CHST5: variants seen among roughly 807,000 people sequenced by gnomAD.
The protein encoded by CHST5 is GST4-alpha.
For synonymous variants in CHST5, 313 were observed against 279.2 expected, an observed-to-expected ratio of 1.12 and a Z score of -1.21; for missense variants, 637 against 602.1, an observed-to-expected ratio of 1.06 and a Z score of -0.61.
chr16:75,530,501 G>C lies in CHST5; in HGVS notation c.-117C>G, dbSNP rs573274088. 1.4e-6 allele frequency: 2 copies of C among 1,449,244 alleles called. No homozygotes were observed. Among genetic ancestry groups the C allele is most frequent in the Admixed American group, 2.9e-5 (1 of 34,916 alleles). 89.8% of individuals were successfully genotyped at this position (1,449,244 alleles called of 1,614,324 possible). A position where few individuals can be genotyped will look rare whatever the true frequency, so the allele number is the denominator to read the frequency against. On this transcript the variant is annotated 5_prime_UTR_variant, in exon 4 of 4. Transcript: ENST00000336257. ...CAGTCGAGCACTTTCCCAGGAATAC[G>C]GAGTCAAGACATAGGCCAGAATATA...
In CHST5 at chr16:75,529,174, T is replaced by G; in HGVS notation, c.1211A>C (p.His404Pro). Reference protein sequence around the residue: ...LDLVLPRGPDHFSWASPD With the variant: ...LDLVLPRGPDPFSWASPD ...TCAGTCAGGCGATGCCCAGCTGAAG[T>G]GGTCTGGGCCTCGTGGCAGCACCAG... is the stretch of plus-strand genomic sequence containing the variant. Residue 404 changes from histidine (H) to proline (P), a missense_variant, in exon 4 of 4, where the codon CAC (histidine) becomes CCC (proline). By Grantham distance (77) the His-to-Pro change is moderately conservative. Coordinates refer to ENST00000336257, the MANE Select transcript of CHST5 (RefSeq NM_024533.5). 1 of 1,592,200 alleles carries G rather than the reference T, an allele frequency of 6.3e-7. No homozygotes were observed. The highest frequency in any genetic ancestry group is 8.6e-7 in the Non-Finnish European group (1 of 1,166,706).
chr16:75,534,479 A>T (rs765233929), intron 2 of CHST5, among the ~76,000 whole-genome samples: 10 of 152,204 alleles, frequency 6.6e-5, no homozygotes, highest in Non-Finnish European at 1.0e-4. Context: ...CACCGTCTCT[A>T]GTAAAAATAC....
rs1057235991 is a variant in CHST5 at position 75,530,592 on chromosome 16, C to T, written c.-208G>A. ...GGATATCATCAAACTGTCTACCTAC[C>T]CACCCACCCACCTACTTACATACCT... is the stretch of plus-strand genomic sequence containing the variant. On this transcript the variant is annotated 5_prime_UTR_variant, in exon 4 of 4. Coordinates refer to ENST00000336257, the MANE Select transcript of CHST5 (RefSeq NM_024533.5). 1.4e-6 allele frequency: 2 copies of T among 1,418,708 alleles called. No individual in the cohort carries two copies. Among genetic ancestry groups the T allele is most frequent in the African/African-American group, 1.4e-5 (1 of 69,256 alleles). 87.9% of individuals were successfully genotyped at this position (1,418,708 alleles called of 1,614,324 possible). A position where few individuals can be genotyped will look rare whatever the true frequency, so the allele number is the denominator to read the frequency against.
Position 75,529,314 on chromosome 16 carries a change from G to A in CHST5, c.1071C>T (p.His357=), listed in dbSNP as rs757690176. ...GCAGGATCTTAGTGAAGGGCAACGC[G>A]TGGCGCCAGGCCTGGGAGACGTTGC... is the stretch of plus-strand genomic sequence containing the variant. The part of the protein sequence containing the change: ...NARNVSQAWR[H]ALPFTKILRV... Residue 357 remains histidine (H), a synonymous_variant, in exon 4 of 4, where the codon CAC becomes CAT. Coordinates refer to ENST00000336257, the MANE Select transcript of CHST5 (RefSeq NM_024533.5). 3.7e-6 allele frequency: 6 copies of A among 1,613,074 alleles called. No homozygotes were observed. In the East Asian group the frequency reaches 6.7e-5, roughly 18 times the overall value.
At chr16:75,532,052 G>C (rs995039278) in intron 3 of CHST5, among the ~76,000 whole-genome samples, 1 of 152,198 alleles carries the variant, frequency 6.6e-6, no homozygotes, top group Non-Finnish European at 1.5e-5. Flanking sequence ...TGTTGTGATG[G>C]ATGCTGCTGC....
rs2080511833 is a variant in CHST5 at position 75,530,711 on chromosome 16, G to T, written c.-327C>A. 9.0e-7 allele frequency: 1 copy of T among 1,114,080 alleles called. No homozygotes were observed. Among genetic ancestry groups the T allele is most frequent in the Non-Finnish European group, 1.1e-6 (1 of 902,238 alleles). 69.0% of individuals were successfully genotyped at this position (1,114,080 alleles called of 1,614,324 possible). The stretch of plus-strand genomic sequence containing the variant: ...CCTCTTAGAGAGACCCTTTTAGGTT[G>T]TGGAGCTAAAAGGGCTTGATGGGGG... On this transcript the variant is annotated 5_prime_UTR_variant, in exon 4 of 4. Transcript: ENST00000336257.
intron 2 of CHST5, among the ~76,000 whole-genome samples, chr16:75,533,480 C>T (rs2080539794): frequency 6.6e-6 from 1 of 152,190 alleles, no homozygotes; most frequent in Non-Finnish European, 1.5e-5. Flanking sequence ...CCAGTGAACT[C>T]TTCCATCCTG....
rs1341204211 is a variant in CHST5, at chr16:75,529,378, T to C, written c.1007A>G (p.Lys336Arg). The C allele has an allele frequency of 1.9e-6, 3 of 1,613,018 alleles. No homozygotes were observed. The highest frequency in any genetic ancestry group is 1.7e-5 in the Admixed American group (1 of 60,010). ...CGAAGTATGGAAGGCCTCGATTGGC[T>C]TGCCGATCCCCGACCCGTGGGTGAT... is the stretch of plus-strand genomic sequence containing the variant. The part of the protein sequence containing the change: ...HNITHGSGIG[K>R]PIEAFHTSSR... Residue 336 changes from lysine to arginine, a missense_variant, in exon 4 of 4, where the codon AAG becomes AGG. Lys to Arg is a conservative substitution (Grantham distance 26, BLOSUM62 2). Transcript: ENST00000336257.
Position 75,531,524 on chromosome 16 carries a change from G to A in CHST5, c.-1140C>T. The A allele has an allele frequency of 1.5e-6, 2 of 1,301,386 alleles. No homozygotes were observed. Among genetic ancestry groups the A allele is most frequent in the Non-Finnish European group, 2.0e-6 (2 of 987,904 alleles). The allele number at this position is 1,301,386 out of a possible 1,614,324, so 80.6% of individuals were successfully genotyped here. On this transcript the variant is annotated 5_prime_UTR_variant, in exon 4 of 4. Coordinates refer to ENST00000336257, the MANE Select transcript of CHST5 (RefSeq NM_024533.5). ...GATGGGGAGCTGGGATGGAGCCCAA[G>A]AAGCAGAGAGGTGAGAGCAGAGTAC... is the stretch of plus-strand genomic sequence containing the variant.
Position 75,531,030 on chromosome 16 carries a change from A to G in CHST5, c.-646T>C. On this transcript the variant is annotated 5_prime_UTR_variant, in exon 4 of 4. Transcript: ENST00000336257. ...ATAATTTTTTTAACAGGCAGGTATA[A>G]AACTTTTGTCAGCCAGGCGCGGTGG... 3 of 1,001,312 alleles carry G rather than the reference A, an allele frequency of 3.0e-6. No individual in the cohort carries two copies. The highest frequency in any genetic ancestry group is 3.6e-6 in the Non-Finnish European group (3 of 830,906). The allele number at this position is 1,001,312 out of a possible 1,614,324, so 62.0% of individuals were successfully genotyped here. A position where few individuals can be genotyped will look rare whatever the true frequency, so the allele number is the denominator to read the frequency against.
chr16:75,529,761 C>T lies in CHST5; in HGVS notation c.624G>A (p.Pro208=), dbSNP rs749804885. The T allele has an allele frequency of 1.1e-5, 18 of 1,613,552 alleles. No homozygotes were observed. Among genetic ancestry groups the T allele is most frequent in the South Asian group, 2.2e-5 (2 of 91,080 alleles). The change falls in exon 4 of 4, where the codon CCG becomes CCA. Residue 208 remains proline, a synonymous_variant. Coordinates refer to ENST00000336257, the MANE Select transcript of CHST5 (RefSeq NM_024533.5). ...VRFFNLQVLY[P]LLSDPALNLR... ...GGTTGAGCGCGGGGTCGCTGAGCAG[C>T]GGGTAGAGCACCTGCAGGTTGAAGA...
In CHST5 at chr16:75,533,676, C is replaced by T. The variant is rs535064778; in HGVS notation, c.-1351-493G>A. 1.6e-4 allele frequency among the ~76,000 whole-genome samples: 25 copies of T among 152,242 alleles called. No homozygotes were observed. The South Asian group carries it at 4.4e-3, about 27-fold the overall frequency. On this transcript the variant is annotated intron_variant, in intron 2 of 3. Transcript: ENST00000336257. ...TTGGGATTACAGGCGTGAGCCATAG[C>T]GCCTGGCCAAAATGCAATTCTTGAC...
Position 75,529,408 on chromosome 16 carries a change from T to A in CHST5, c.977A>T (p.His326Leu), listed in dbSNP as rs748136875. 24 of 1,613,106 alleles carry A rather than the reference T, an allele frequency of 1.5e-5. No individual in the cohort carries two copies. Among genetic ancestry groups the A allele is most frequent in the Non-Finnish European group, 1.7e-5 (20 of 1,179,932 alleles). Residue 326 changes from histidine to leucine, a missense_variant, in exon 4 of 4, where the codon CAC becomes CTC. Transcript: ENST00000336257. ...TLTPQLEAWI[H>L]NITHGSGIGK... ...GATCCCCGACCCGTGGGTGATGTTGTGGATCCAGGCCTCGAGCTGTGGCGT... is the reference window on the plus strand; with the variant it reads ...GATCCCCGACCCGTGGGTGATGTTGAGGATCCAGGCCTCGAGCTGTGGCGT...
At position 75,529,236 on chromosome 16, in the gene CHST5, C is replaced by A; in HGVS notation, c.1149G>T (p.Val383=). Reference sequence around the variant, plus strand: ...GGTCACGCTGCTGGTCCGCAGAGTACACAGGCCGGTAGCCCAGCAGCTGCA... The same window carrying A: ...GGTCACGCTGCTGGTCCGCAGAGTAAACAGGCCGGTAGCCCAGCAGCTGCA... ...GALQLLGYRP[V]YSADQQRDLT... is the part of the protein sequence containing the mutation. Residue 383 remains valine, a synonymous_variant, in exon 4 of 4, where the codon GTG becomes GTT. Coordinates refer to ENST00000336257, the MANE Select transcript of CHST5 (RefSeq NM_024533.5). 1 of 1,613,046 alleles carries A rather than the reference C, an allele frequency of 6.2e-7. No individual in the cohort carries two copies. The highest frequency in any genetic ancestry group is 8.5e-7 in the Non-Finnish European group (1 of 1,179,934).
chr16:75,530,309 G>C lies in CHST5; in HGVS notation c.76C>G (p.Arg26Gly), dbSNP rs372573866. 12 of 1,608,886 alleles carry C rather than the reference G, an allele frequency of 7.5e-6. No individual in the cohort carries two copies. Among genetic ancestry groups the C allele is most frequent in the Non-Finnish European group, 1.0e-5 (12 of 1,178,140 alleles). Reference sequence around the variant, plus strand: ...ACTGTCACTGTCTTGCTGGAGAACCGTGGCAGCCACATGCGGGCGGCTGGG... The same window carrying C: ...ACTGTCACTGTCTTGCTGGAGAACCCTGGCAGCCACATGCGGGCGGCTGGG... Reference protein sequence around the residue: ...RPPAARMWLPRFSSKTVTVLL... With the variant: ...RPPAARMWLPGFSSKTVTVLL... Residue 26 changes from arginine (R) to glycine (G), a missense_variant, in exon 4 of 4, where the codon CGG becomes GGG. Physicochemically the swap from Arg to Gly is moderately radical, Grantham distance 125. Coordinates refer to ENST00000336257, the MANE Select transcript of CHST5 (RefSeq NM_024533.5).
intron 2 of CHST5, among the ~76,000 whole-genome samples, chr16:75,534,768 C>T (rs1597030697): frequency 1.3e-5 from 2 of 152,370 alleles, no homozygotes; most frequent in South Asian, 2.1e-4. Context: ...ACTCCACTTC[C>T]CCTGAGTCTG....
chr16:75,534,527 C>A (rs2080547670), intron 2 of CHST5, among the ~76,000 whole-genome samples: 1 of 152,120 alleles, frequency 6.6e-6, no homozygotes, highest in South Asian at 2.1e-4. Context: ...GTCTGTAATC[C>A]CACCTACTCC....
Position 75,530,528 on chromosome 16 carries a change from T to G in CHST5, c.-144A>C, listed in dbSNP as rs533198503. On this transcript the variant is annotated 5_prime_UTR_variant, in exon 4 of 4. Coordinates refer to ENST00000336257, the MANE Select transcript of CHST5 (RefSeq NM_024533.5). The stretch of plus-strand genomic sequence containing the variant: ...AGTCAAGACATAGGCCAGAATATAG[T>G]CTGTGCTCACAGCAGAAGTCCAGTT... 1.9e-5 allele frequency: 27 copies of G among 1,443,406 alleles called. No homozygotes were observed. The African/African-American group carries it at 2.9e-4, about 15-fold the overall frequency. The allele number at this position is 1,443,406 out of a possible 1,614,324, so 89.4% of individuals were successfully genotyped here. A position where few individuals can be genotyped will look rare whatever the true frequency, so the allele number is the denominator to read the frequency against.
chr16:75,529,720 A>T lies in CHST5; in HGVS notation c.665T>A (p.Leu222Gln). The T allele has an allele frequency of 6.2e-7, 1 of 1,612,520 alleles. No homozygotes were observed. Among genetic ancestry groups the T allele is most frequent in the East Asian group, 2.2e-5 (1 of 44,844 alleles). ...DPALNLRIVHLVRDPRAVLRS... is the reference protein window; with the variant it reads ...DPALNLRIVHQVRDPRAVLRS... Reference sequence around the variant, plus strand: ...CAGCACGGCCCGCGGGTCGCGCACCAGGTGCACGATGCGCAGGTTGAGCGC... The same window carrying T: ...CAGCACGGCCCGCGGGTCGCGCACCTGGTGCACGATGCGCAGGTTGAGCGC... The change falls in exon 4 of 4, where the codon CTG becomes CAG. Residue 222 changes from leucine (L) to glutamine (Q), a missense_variant. Physicochemically the swap from Leu to Gln is moderately radical, Grantham distance 113. Transcript: ENST00000336257.
Sources: gnomAD v4.1 joint callset for allele counts (sites outside exome capture counted in the v4.1 genomes callset) on GRCh38, gnomAD v4.1.1 for gene constraint, MANE v1.5 for transcripts, NCBI Gene and HGNC (gene_info 2026-07-23, HGNC 2026-07-21) for gene names.